Variants in FAF1 observed in about 807,000 individuals in gnomAD.
The protein encoded by FAF1 is Fas associated factor 1, also known as FAS-associated factor 1.
Under a neutral mutation model 92.5 loss-of-function variants are expected in FAF1, and 25 were observed. The ratio of observed to expected loss-of-function variants is 0.27; its 90% CI spans 0.20 to 0.38. FAF1 has a LOEUF of 0.38. FAF1 is among the 10% of genes least tolerant of loss of function. FAF1 has a pLI of 1.00. For synonymous variants in FAF1, 234 were observed against 273.2 expected (o/e 0.86, Z 1.42); for missense variants, 636 against 793.3 (o/e 0.80, Z 2.38).
At chr1:50,443,057 A>C (rs948114505) in intron 18 of FAF1, among the ~76,000 whole-genome samples, 1 of 152,172 alleles carries the variant, frequency 6.6e-6, no homozygotes, top group Non-Finnish European at 1.5e-5. Context: ...TTCTGTCAAC[A>C]AACAGAGCTA....
intron 8 of FAF1, among the ~76,000 whole-genome samples, chr1:50,648,201 T>A (rs1654685975): frequency 6.6e-6 from 1 of 152,106 alleles, no homozygotes; most frequent in Non-Finnish European, 1.5e-5. Flanking sequence ...GAGGTTGCAG[T>A]GAGCCGAGAT....
At chr1:50,687,497 T>A (rs370027811) in intron 7 of FAF1, among the ~76,000 whole-genome samples, 2 of 152,104 alleles carry the variant, frequency 1.3e-5, no homozygotes, top group African/African-American at 4.8e-5. Context: ...TGCCTGTAAT[T>A]CCAGCACTTT....
chr1:50,466,487 TATTTG>T (rs779356392), intron 18 of FAF1, among the ~76,000 whole-genome samples: 1 of 152,166 alleles, frequency 6.6e-6, no homozygotes, highest in Admixed American at 6.5e-5. Context: ...TGGATATATA[TATTTG>T]TGAGTTGTAA....
At chr1:50,472,686 G>C (rs1646591877) in intron 18 of FAF1, among the ~76,000 whole-genome samples, 1 of 152,062 alleles carries the variant, frequency 6.6e-6, no homozygotes, top group Non-Finnish European at 1.5e-5. Context: ...GTGGAGAAAA[G>C]GCTGAAGACA....
At chr1:50,520,531 T>C (rs1398839361) in intron 15 of FAF1, among the ~76,000 whole-genome samples, 2 of 152,200 alleles carry the variant, frequency 1.3e-5, no homozygotes, top group Non-Finnish European at 2.9e-5. Context: ...AACTGTACTG[T>C]ACTTTCCAGA....
intron 12 of FAF1, among the ~76,000 whole-genome samples, chr1:50,572,405 T>C (rs1212978763): frequency 6.6e-6 from 1 of 152,172 alleles, no homozygotes; most frequent in Non-Finnish European, 1.5e-5. Context: ...TAATAAACAG[T>C]CCATATTCAA....
chr1:50,441,745 A>T (rs1646168919), intron 18 of FAF1, among the ~76,000 whole-genome samples: 1 of 152,136 alleles, frequency 6.6e-6, no homozygotes, highest in South Asian at 2.1e-4. Context: ...CTCATAGTCA[A>T]GTTTGGTGGA....
In FAF1 at chr1:50,510,828, T is replaced by C. The variant is rs115087589; in HGVS notation, c.1495-19027A>G. Among the ~76,000 whole-genome samples the C allele has an allele frequency of 3.3e-3, 495 of 152,258 alleles. 6 individuals carry two copies. Among genetic ancestry groups the C allele is most frequent in the African/African-American group, 0.011 (456 of 41,560 alleles). On this transcript the variant is annotated intron_variant, in intron 15 of 18. Transcript: ENST00000396153. ...TATACTAGTCAGAATAGAGATTACA[T>C]GTAGAGGAAAAAGATATTTGAGAGG...
At chr1:50,637,681 A>ATATGTGTGTGTGTGTGTGTGTG (rs1553123409) in intron 8 of FAF1, among the ~76,000 whole-genome samples, 1 of 137,098 alleles carries the variant, frequency 7.3e-6, no homozygotes, top group African/African-American at 2.8e-5. Context: ...ACATATATAT[A>ATATGTGTGTGTGTGTGTGTGTG]TGTGTGTGTG....
At position 50,440,583 on chromosome 1, in the gene FAF1, GAA is replaced by G. The variant is rs952146747; in HGVS notation, c.*855_*856del. The G allele has an allele frequency of 4.6e-5, 7 of 152,394 alleles. No homozygotes were observed. The highest frequency in any genetic ancestry group is 8.8e-5 in the Non-Finnish European group (6 of 68,058). 9.4% of individuals were successfully genotyped at this position (152,394 alleles called of 1,614,324 possible). Reference sequence around the variant, plus strand: ...AAATGTGTGAGGGAGTAGAGAGAGAGAAAGCAAGAGAGAATTGTGTTCAGTTT... The same window carrying G: ...AAATGTGTGAGGGAGTAGAGAGAGAGAGCAAGAGAGAATTGTGTTCAGTTT... On this transcript the variant is annotated 3_prime_UTR_variant, in exon 19 of 19. Transcript: ENST00000396153.
chr1:50,612,282 T>G (rs1376573026), intron 8 of FAF1: 1 of 948,956 alleles, frequency 1.1e-6, no homozygotes. Context: ...CACAACAAAT[T>G]CAGAGAATCA....
At chr1:50,889,774 T>C (rs1644703679) in intron 1 of FAF1, among the ~76,000 whole-genome samples, 1 of 152,216 alleles carries the variant, frequency 6.6e-6, no homozygotes, top group South Asian at 2.1e-4. Flanking sequence ...TGAGGAGTGC[T>C]TTACTTCCAA....
chr1:50,637,750 T>C (rs1369352069), intron 8 of FAF1, among the ~76,000 whole-genome samples: 1 of 151,532 alleles, frequency 6.6e-6, no homozygotes, highest in Admixed American at 6.6e-5. Flanking sequence ...TACACATATA[T>C]ATATAGTAAT....
At chr1:50,759,911 A>G (rs1004320065) in intron 4 of FAF1, among the ~76,000 whole-genome samples, 7 of 152,192 alleles carry the variant, frequency 4.6e-5, no homozygotes, top group African/African-American at 1.7e-4. Context: ...AGTGATGATG[A>G]GCATTTTTTC....
rs1213567555 is a variant in FAF1, at chr1:50,636,379, C to CTTTT, written c.744+19059_744+19062dup. On this transcript the variant is annotated intron_variant, in intron 8 of 18. Coordinates refer to ENST00000396153, the MANE Select transcript of FAF1 (RefSeq NM_007051.3). Reference sequence around the variant, plus strand: ...ATTTTCTCTTAGTTTGGGGCGTGTCCTTTTTTTTTTTTTTTTTTTTTTTTT... The same window carrying CTTTT: ...ATTTTCTCTTAGTTTGGGGCGTGTCCTTTTTTTTTTTTTTTTTTTTTTTTTTTTT... Among the ~76,000 whole-genome samples the CTTTT allele has an allele frequency of 3.3e-3, 267 of 79,888 alleles. 6 individuals are homozygous for CTTTT. Among genetic ancestry groups the CTTTT allele is most frequent in the Middle Eastern group, 0.023 (2 of 86 alleles). 52.4% of individuals were successfully genotyped at this position (79,888 alleles called of 152,430 possible).
Position 50,441,179 on chromosome 1 carries a change from T to G in FAF1, c.*261A>C. The G allele has an allele frequency of 2.7e-6, 1 of 375,612 alleles. No homozygotes were observed. Among genetic ancestry groups the G allele is most frequent in the Non-Finnish European group, 4.8e-6 (1 of 208,922 alleles). The allele number at this position is 375,612 out of a possible 1,614,324, so 23.3% of individuals were successfully genotyped here. On this transcript the variant is annotated 3_prime_UTR_variant, in exon 19 of 19. Transcript: ENST00000396153. ...TCACACTTGAACAATGCATTCGTCA[T>G]TGAAGGAGGGTGAAGTGCAGGGGGT... is the stretch of plus-strand genomic sequence containing the variant.
intron 3 of FAF1, among the ~76,000 whole-genome samples, chr1:50,799,396 C>A (rs1661888758): frequency 6.6e-6 from 1 of 152,094 alleles, no homozygotes; most frequent in Non-Finnish European, 1.5e-5. Context: ...AAAAAAGTTT[C>A]TTTCCCTTGG....
At chr1:50,676,757 G>C (rs1261853630) in intron 7 of FAF1, among the ~76,000 whole-genome samples, 2 of 152,162 alleles carry the variant, frequency 1.3e-5, no homozygotes, top group Admixed American at 6.5e-5. Context: ...AGGAAGAGGA[G>C]GTTGCAGTGA....
In FAF1 at chr1:50,439,283, T is replaced by G. The variant is rs930560757; in HGVS notation, c.*2157A>C. On this transcript the variant is annotated 3_prime_UTR_variant, in exon 19 of 19. Transcript: ENST00000396153. ...AAAGGATAAAATTGCTTTGGCCTTT[T>G]GTCTGAAGCTTAGTAGACCATCATG... The G allele has an allele frequency of 7.2e-5, 11 of 152,218 alleles. No homozygotes were observed. The highest frequency in any genetic ancestry group is 1.7e-4 in the African/African-American group (7 of 41,444). The allele number at this position is 152,218 out of a possible 1,614,324, so 9.4% of individuals were successfully genotyped here.
Sources: allele counts gnomAD v4.1 joint callset (sites outside exome capture counted in the v4.1 genomes callset), GRCh38; gene constraint gnomAD v4.1.1; transcripts MANE v1.5; gene names NCBI Gene and HGNC (gene_info 2026-07-23, HGNC 2026-07-21).